Variants in CACNA1E observed in about 807,000 individuals in gnomAD.
CACNA1E encodes voltage-dependent R-type calcium channel subunit alpha-1E.
In CACNA1E, 40 loss-of-function variants were observed where a neutral mutation model predicts 259.2. The observed-to-expected ratio is 0.15, with a 90% CI of 0.12 to 0.20. The LOEUF (loss-of-function observed/expected upper bound fraction) is 0.20, where lower values mean the gene tolerates loss of function less well. CACNA1E is among the 10% of genes least tolerant of loss of function. CACNA1E has a pLI of 1.00. For missense variants in CACNA1E, 1,874 were observed against 3,040.1 expected, an observed-to-expected ratio of 0.62 and a Z score of 9.02; for synonymous variants, 1,104 against 1,138.5, an observed-to-expected ratio of 0.97 and a Z score of 0.61.
At chr1:181,484,480 T>C (rs1213970460) in intron 1 of CACNA1E, among the ~76,000 whole-genome samples, 1 of 152,182 alleles carries the variant, frequency 6.6e-6, no homozygotes, top group African/African-American at 2.4e-5. Flanking sequence ...ATGAGGGGAT[T>C]TATCAGTTCA....
chr1:181,725,963 C>A, intron 17 of CACNA1E, 102 bp from the exon 18 acceptor site: 2 of 713,072 alleles, frequency 2.8e-6, no homozygotes, highest in Non-Finnish European at 2.4e-6. Context: ...GTGTCTTCCT[C>A]ACTTCACTTG....
chr1:181,364,580 T>G (rs747273158), intron 1 of CACNA1E, among the ~76,000 whole-genome samples: 17 of 152,164 alleles, frequency 1.1e-4, no homozygotes, highest in Non-Finnish European at 2.4e-4. Context: ...ACACAGGGGT[T>G]GAATTGCAGG....
intron 3 of CACNA1E, among the ~76,000 whole-genome samples, chr1:181,529,236 T>C (rs1667596680): frequency 6.7e-6 from 1 of 148,386 alleles, no homozygotes. Flanking sequence ...AGCTTCCACA[T>C]GGTGTTGAGT....
rs1305511905 is a variant in CACNA1E, at chr1:181,716,029, C to T, written c.1226-11C>T. The stretch of plus-strand genomic sequence containing the variant: ...GTGGCCTCTCACTGGTCTTCCCTTT[C>T]CCTGATGCAGTGCTTCGAAGGGCAA... On this transcript the variant is annotated splice_polypyrimidine_tract_variant and intron_variant, in intron 9 of 47. Transcript: ENST00000367573. 1 of 1,555,156 alleles carries T rather than the reference C, an allele frequency of 6.4e-7. No individual in the cohort carries two copies. Among genetic ancestry groups the T allele is most frequent in the Middle Eastern group, 1.7e-4 (1 of 5,812 alleles).
chr1:181,333,243 G>C (rs1651421616), intron 1 of CACNA1E, among the ~76,000 whole-genome samples: 1 of 152,156 alleles, frequency 6.6e-6, no homozygotes, highest in South Asian at 2.1e-4. Flanking sequence ...CTGTGGAAGA[G>C]GCTTCCCCTC....
In CACNA1E at chr1:181,776,420, C is replaced by A; in HGVS notation, c.5267+192C>A. On this transcript the variant is annotated intron_variant, in intron 38 of 47. Transcript: ENST00000367573. The surrounding 1 kb of genome is among the most constrained non-coding windows in gnomAD (Gnocchi z 4.4). The stretch of plus-strand genomic sequence containing the variant: ...CCAAGGACTTCTGTATCCTCCTTTC[C>A]CCTCTCTTTCCTTCTGTGACAGGGT... The A allele has an allele frequency of 1.8e-6, 1 of 569,208 alleles. No homozygotes were observed. Among genetic ancestry groups the A allele is most frequent in the South Asian group, 2.2e-5 (1 of 45,874 alleles). 35.3% of individuals were successfully genotyped at this position (569,208 alleles called of 1,614,324 possible). A position where few individuals can be genotyped will look rare whatever the true frequency, so the allele number is the denominator to read the frequency against.
At chr1:181,390,333 G>GT (rs386368904) in intron 1 of CACNA1E, among the ~76,000 whole-genome samples, 1 of 141,476 alleles carries the variant, frequency 7.1e-6, no homozygotes, top group East Asian at 2.2e-4. Flanking sequence ...TTATTTATTT[G>GT]TTTTTTATGA....
At chr1:181,510,824 C>T (rs1666103492) in intron 2 of CACNA1E, among the ~76,000 whole-genome samples, 1 of 152,220 alleles carries the variant, frequency 6.6e-6, no homozygotes, top group African/African-American at 2.4e-5. Flanking sequence ...GGCCCATTTT[C>T]TTCCCTCCTC....
intron 7 of CACNA1E, among the ~76,000 whole-genome samples, chr1:181,652,838 A>AC (rs1658879678): frequency 6.6e-6 from 1 of 152,160 alleles, no homozygotes; most frequent in African/African-American, 2.4e-5. Context: ...TTGGAATTGT[A>AC]CCATCAGATA....
At chr1:181,426,964 A>G (rs200903235) in intron 2 of CACNA1E, among the ~76,000 whole-genome samples, 3 of 144,768 alleles carry the variant, frequency 2.1e-5, no homozygotes, top group African/African-American at 5.2e-5. Context: ...TCACAACTCA[A>G]CCCCTTCCCA....
intron 6 of CACNA1E, among the ~76,000 whole-genome samples, chr1:181,646,175 G>A (rs1053652959): frequency 3.9e-5 from 6 of 152,220 alleles, no homozygotes; most frequent in Non-Finnish European, 7.3e-5. Flanking sequence ...GGCCTGAGCC[G>A]AAGATCTCTC....
chr1:181,574,718 T>TCTTTA (rs1650775023), intron 3 of CACNA1E, among the ~76,000 whole-genome samples: 1 of 152,126 alleles, frequency 6.6e-6, no homozygotes, highest in South Asian at 2.1e-4. Flanking sequence ...TCCTTTATTG[T>TCTTTA]CTTTTTCCTC....
rs140824645 is a variant in CACNA1E at position 181,595,319 on chromosome 1, C to T, written c.951+14543C>T. Among the ~76,000 whole-genome samples, 224 of 152,210 alleles carry T rather than the reference C, an allele frequency of 1.5e-3. 2 individuals carry two copies. Among genetic ancestry groups the T allele is most frequent in the African/African-American group, 5.2e-3 (218 of 41,524 alleles). ...TACTTCTCGTGGCTGCCACCAGCTG[C>T]CTTAACAATTTGGAAGGAAAGGCAG... On this transcript the variant is annotated intron_variant, in intron 6 of 47. Transcript: ENST00000367573.
intron 7 of CACNA1E, among the ~76,000 whole-genome samples, chr1:181,689,845 G>A (rs1159840047): frequency 6.6e-6 from 1 of 151,546 alleles, no homozygotes; most frequent in African/African-American, 2.4e-5. Flanking sequence ...TTGTAAATTT[G>A]TTTAAGTTCT....
At chr1:181,724,637 C>A in intron 17 of CACNA1E, 100 bp downstream of exon 17, 3 of 985,520 alleles carry the variant, frequency 3.0e-6, no homozygotes, top group Non-Finnish European at 4.6e-6. Flanking sequence ...CTGACTCAGG[C>A]CTGCCAGGAA....
intron 35 of CACNA1E, among the ~76,000 whole-genome samples, chr1:181,769,105 C>CA (rs1397702171): frequency 1.3e-5 from 2 of 152,194 alleles, no homozygotes; most frequent in East Asian, 3.9e-4. Context: ...CTTCACTGAA[C>CA]AACTGTGTGA....
intron 1 of CACNA1E, among the ~76,000 whole-genome samples, chr1:181,382,421 G>A (rs1207496232): frequency 6.6e-6 from 1 of 152,182 alleles, no homozygotes; most frequent in Non-Finnish European, 1.5e-5. Context: ...GGAGTGGGGA[G>A]GAGTGGAAGC....
chr1:181,482,608 G>A (rs1049771123), upstream of CACNA1E, among the ~76,000 whole-genome samples: 1 of 151,764 alleles, frequency 6.6e-6, no homozygotes, highest in Non-Finnish European at 1.5e-5. Flanking sequence ...GCTCTTGCGC[G>A]CCTCGCTGCG....
rs1287150756 is a variant in CACNA1E at position 181,798,404 on chromosome 1, C to G, written c.6512C>G (p.Ser2171Cys). The G allele has an allele frequency of 3.7e-6, 6 of 1,613,642 alleles. No individual in the cohort carries two copies. The highest frequency in any genetic ancestry group is 5.1e-6 in the Non-Finnish European group (6 of 1,179,892). ...PVPPKPRPLL[S>C]YSSLIRHAGS... ...CCGCCAAAGCCCCGGCCCCTCCTTT[C>G]CTACAGCTCCCTGATTCGACACGCG... Residue 2171 changes from serine to cysteine, a missense_variant, in exon 48 of 48, where the codon TCC becomes TGC. Around this residue, in one of 14 missense-constraint regions of CACNA1E, gnomAD observed 542 missense variants for 587.2 expected, o/e 0.92. Transcript: ENST00000367573. This position sits in a 1 kb window ranked among gnomAD's most constrained non-coding sequence, Gnocchi z 4.2.
Sources: gnomAD v4.1 joint callset for allele counts (sites outside exome capture counted in the v4.1 genomes callset) on GRCh38, gnomAD v4.1.1 for gene constraint, gnomAD v4.1.1 regional missense constraint, Gnocchi (gnomAD v3.1) non-coding constraint, MANE v1.5 for transcripts, NCBI Gene and HGNC (gene_info 2026-07-23, HGNC 2026-07-21) for gene names.